CDH13: variants seen among roughly 807,000 people sequenced by gnomAD.
The protein encoded by CDH13 is cadherin 13.
In CDH13, 24 loss-of-function variants were observed where a neutral mutation model predicts 63.8. That is an observed-to-expected ratio of 0.38 (90% CI 0.27 to 0.53). The LOEUF (loss-of-function observed/expected upper bound fraction) is 0.53. Among genes scored for constraint, CDH13 ranks in the 20% least tolerant of loss-of-function variants. The pLI is 0.85. For synonymous variants in CDH13, 503 were observed against 355.3 expected, an observed-to-expected ratio of 1.42 and a Z score of -4.67; for missense variants, 1,049 against 903.1, an observed-to-expected ratio of 1.16 and a Z score of -2.07.
chr16:82,713,630 A>G (rs1189962192), intron 1 of CDH13, among the ~76,000 whole-genome samples: 2 of 152,114 alleles, frequency 1.3e-5, no homozygotes, highest in Non-Finnish European at 1.5e-5. Context: ...TACATAGAAT[A>G]TTGTCTTATT....
chr16:82,958,139 C>T (rs61551448), intron 2 of CDH13, among the ~76,000 whole-genome samples: 8,719 of 152,210 alleles, frequency 0.057, 814 homozygotes, highest in African/African-American at 0.19. Flanking sequence ...CCAATTCTAC[C>T]CATTCCTGGC....
chr16:83,243,093 G>A (rs1904628976), intron 5 of CDH13, among the ~76,000 whole-genome samples: 2 of 152,102 alleles, frequency 1.3e-5, no homozygotes, highest in Admixed American at 6.6e-5. Context: ...CTGGAACCCT[G>A]GCCACTTGAC....
chr16:83,118,530 T>C (rs1359055109), intron 3 of CDH13, among the ~76,000 whole-genome samples: 1 of 152,216 alleles, frequency 6.6e-6, no homozygotes, highest in Non-Finnish European at 1.5e-5. Flanking sequence ...GTTTCAGATC[T>C]GGCCTTAGGC....
intron 6 of CDH13, among the ~76,000 whole-genome samples, chr16:83,472,367 C>T (rs1303263112): frequency 6.6e-6 from 1 of 152,196 alleles, no homozygotes; most frequent in African/African-American, 2.4e-5. Context: ...CCCAGACTTT[C>T]TTTAACAAAG....
chr16:82,753,367 T>C (rs1213703717), intron 1 of CDH13, among the ~76,000 whole-genome samples: 1 of 152,200 alleles, frequency 6.6e-6, no homozygotes, highest in Non-Finnish European at 1.5e-5. Flanking sequence ...CAGACATCTC[T>C]TCTCTGGCTC....
intron 6 of CDH13, among the ~76,000 whole-genome samples, chr16:83,434,032 TA>T (rs1385058544): frequency 6.6e-6 from 1 of 152,196 alleles, no homozygotes; most frequent in East Asian, 1.9e-4. Flanking sequence ...CTTTATTTTA[TA>T]AGGTGAGAGG....
intron 7 of CDH13, among the ~76,000 whole-genome samples, chr16:83,591,274 A>C (rs1906718867): frequency 6.6e-6 from 1 of 152,216 alleles, no homozygotes; most frequent in Non-Finnish European, 1.5e-5. Context: ...TGTACCAGGC[A>C]TAATGTTGCT....
chr16:83,496,721 G>A (rs2074153851), intron 7 of CDH13, among the ~76,000 whole-genome samples: 1 of 152,128 alleles, frequency 6.6e-6, no homozygotes, highest in Non-Finnish European at 1.5e-5. Flanking sequence ...AGAGTGAACA[G>A]GCGACCTACA....
chr16:82,650,365 G>T (rs1439271904), intron 1 of CDH13, among the ~76,000 whole-genome samples: 1 of 152,192 alleles, frequency 6.6e-6, no homozygotes, highest in African/African-American at 2.4e-5. Flanking sequence ...CCTGGAGAAG[G>T]CAGATGAGAT....
intron 2 of CDH13, among the ~76,000 whole-genome samples, chr16:82,949,423 G>T (rs1161338097): frequency 6.6e-6 from 1 of 152,090 alleles, no homozygotes; most frequent in Non-Finnish European, 1.5e-5. Flanking sequence ...GATGACATGT[G>T]CACAGATTCT....
At chr16:82,918,349 C>G (rs903502256) in intron 2 of CDH13, among the ~76,000 whole-genome samples, 19 of 152,214 alleles carry the variant, frequency 1.2e-4, no homozygotes, top group African/African-American at 4.3e-4. Context: ...AATCTCTGCA[C>G]CAGTTTCTGT....
chr16:83,271,007 C>T (rs2088789759), intron 5 of CDH13, among the ~76,000 whole-genome samples: 2 of 151,164 alleles, frequency 1.3e-5, no homozygotes, highest in African/African-American at 2.4e-5. Flanking sequence ...CATTCCCTTC[C>T]TCCCCCTCAC....
intron 8 of CDH13, among the ~76,000 whole-genome samples, chr16:83,634,115 TTCTGTGTGTGTGTGTGTGTATG>T (rs1911030285): frequency 3.7e-5 from 5 of 135,680 alleles, no homozygotes. Flanking sequence ...TTTGTGTGTT[TTCTGTGTGTGTGTGTGTGTATG>T]TGTGTGTGTG....
At chr16:83,603,847 T>A (rs1338708156) in intron 8 of CDH13, among the ~76,000 whole-genome samples, 1 of 152,112 alleles carries the variant, frequency 6.6e-6, no homozygotes, top group East Asian at 1.9e-4. Flanking sequence ...GGATCCTGGC[T>A]GGGGAGACCT....
chr16:83,534,136 C>T (rs1190478891), intron 7 of CDH13, among the ~76,000 whole-genome samples: 1 of 152,126 alleles, frequency 6.6e-6, no homozygotes, highest in Non-Finnish European at 1.5e-5. Context: ...ATCCTCCATC[C>T]CCCATGCCCT....
At chr16:83,355,036 C>A (rs1444846676) in intron 6 of CDH13, among the ~76,000 whole-genome samples, 1 of 152,136 alleles carries the variant, frequency 6.6e-6, no homozygotes, top group East Asian at 1.9e-4. Flanking sequence ...GAACTCCATA[C>A]ATTTTGATTA....
chr16:82,972,580 C>G (rs909654409), intron 2 of CDH13, among the ~76,000 whole-genome samples: 28 of 152,192 alleles, frequency 1.8e-4, no homozygotes, highest in Non-Finnish European at 2.9e-5. Context: ...AACAGCACTT[C>G]CATCCTATGG....
At chr16:83,492,833 C>G (rs973653402) in intron 7 of CDH13, among the ~76,000 whole-genome samples, 1 of 152,160 alleles carries the variant, frequency 6.6e-6, no homozygotes, top group African/African-American at 2.4e-5. Flanking sequence ...TAGAAGAAGA[C>G]CTTGATGAGT....
At chr16:83,006,928 G>GTTTTT (rs1354618729) in intron 2 of CDH13, among the ~76,000 whole-genome samples, 5 of 127,988 alleles carry the variant, frequency 3.9e-5, no homozygotes, top group African/African-American at 1.4e-4. Flanking sequence ...TTGTTTGTTT[G>GTTTTT]TTTGTTTTTT....
Sources: allele counts gnomAD v4.1 joint callset (sites outside exome capture counted in the v4.1 genomes callset), GRCh38; gene constraint gnomAD v4.1.1; transcripts MANE v1.5; gene names NCBI Gene and HGNC (gene_info 2026-07-23, HGNC 2026-07-21).